The following FUT8 variants were observed in gnomAD, a reference collection of about 807,000 sequenced individuals.
The protein encoded by FUT8 is fucosyltransferase 8.
In FUT8, 29 loss-of-function variants were observed where a neutral mutation model predicts 71.3. That is an observed-to-expected ratio of 0.41 (90% CI 0.30 to 0.55). FUT8 has a LOEUF of 0.55. FUT8 is among the 20% of genes least tolerant of loss of function. FUT8 has a pLI of 0.34. For missense variants in FUT8, 544 were observed against 702.1 expected, an observed-to-expected ratio of 0.77 and a Z score of 2.55; for synonymous variants, 254 against 239.3, an observed-to-expected ratio of 1.06 and a Z score of -0.57.
At chr14:65,420,485 T>C (rs540770804) in intron 1 of FUT8, among the ~76,000 whole-genome samples, 1 of 152,132 alleles carries the variant, frequency 6.6e-6, no homozygotes, top group East Asian at 1.9e-4. Context: ...AAGGAAATAA[T>C]GATAAATAAT....
At chr14:65,477,783 T>C (rs1353023255) in intron 2 of FUT8, among the ~76,000 whole-genome samples, 1 of 152,104 alleles carries the variant, frequency 6.6e-6, no homozygotes, top group Non-Finnish European at 1.5e-5. Flanking sequence ...TAAGTTTGTC[T>C]CATTTGGTGT....
intron 1 of FUT8, among the ~76,000 whole-genome samples, chr14:65,424,770 C>G (rs1470584204): frequency 6.6e-6 from 1 of 152,062 alleles, no homozygotes; most frequent in Non-Finnish European, 1.5e-5. Context: ...AGCGATTCTC[C>G]CATTTCAGCC....
intron 7 of FUT8, among the ~76,000 whole-genome samples, chr14:65,675,642 T>A (rs1482074706): frequency 6.6e-6 from 1 of 152,154 alleles, no homozygotes; most frequent in Non-Finnish European, 1.5e-5. Context: ...TTCTAGGTTA[T>A]TTACCTTCTA....
At chr14:65,584,595 A>G (rs918016161) in intron 3 of FUT8, among the ~76,000 whole-genome samples, 2 of 152,250 alleles carry the variant, frequency 1.3e-5, no homozygotes, top group Admixed American at 1.3e-4. Context: ...TGGGATAAAG[A>G]TAGAAATATA....
intron 5 of FUT8, among the ~76,000 whole-genome samples, chr14:65,621,709 C>T (rs1157959969): frequency 1.3e-5 from 2 of 152,096 alleles, no homozygotes; most frequent in Admixed American, 6.5e-5. Context: ...TTACAGTCGC[C>T]TGCCACTACA....
chr14:65,534,986 C>T (rs1217492315), intron 2 of FUT8, among the ~76,000 whole-genome samples: 1 of 151,110 alleles, frequency 6.6e-6, no homozygotes, highest in South Asian at 2.1e-4. Flanking sequence ...TCTTGCATCT[C>T]TAGTTCTTTT....
intron 2 of FUT8, among the ~76,000 whole-genome samples, chr14:65,514,899 G>A (rs1882607715): frequency 1.3e-5 from 2 of 152,100 alleles, no homozygotes; most frequent in Admixed American, 6.6e-5. Flanking sequence ...AGAATTAAAT[G>A]AGGAAATGTG....
Position 65,521,489 on chromosome 14 carries a change from C to A in FUT8, c.-227-39848C>A, listed in dbSNP as rs150932658. On this transcript the variant is annotated intron_variant, in intron 2 of 10. Transcript: ENST00000673929. The stretch of plus-strand genomic sequence containing the variant: ...AAGGAATGTTGGAATTGGGAAGATG[C>A]CATTTTTATATAGAATGGTCAGGGA... Among the ~76,000 whole-genome samples, 151 of 152,184 alleles carry A rather than the reference C, an allele frequency of 9.9e-4. 1 individual carries two copies. The highest frequency in any genetic ancestry group is 3.5e-3 in the African/African-American group (144 of 41,516).
intron 3 of FUT8, among the ~76,000 whole-genome samples, chr14:65,611,270 CACACACACACACACACACACACA>C (rs1888960115): frequency 1.4e-5 from 1 of 69,414 alleles, no homozygotes; most frequent in African/African-American, 8.5e-5. Flanking sequence ...CACACACACA[CACACACACACACACACACACACA>C]CACACACACC....
At chr14:65,733,996 C>T (rs983928655) in intron 10 of FUT8, among the ~76,000 whole-genome samples, 2 of 152,202 alleles carry the variant, frequency 1.3e-5, no homozygotes, top group East Asian at 1.9e-4. Flanking sequence ...GCTTTGTATG[C>T]CCTGTGGAAT....
In FUT8 at chr14:65,669,454, C is replaced by A. The variant is rs1001027194; in HGVS notation, c.809C>A (p.Ser270Tyr). ...GTAAGTGAGACATGCACAGACAGATCTGGCATCTCCACTGGACACTGGTCA... is the reference window on the plus strand; with the variant it reads ...GTAAGTGAGACATGCACAGACAGATATGGCATCTCCACTGGACACTGGTCA... ...RPVSETCTDR[S>Y]GISTGHWSGE... The change falls in exon 7 of 11, where the codon TCT becomes TAT. Residue 270 changes from serine (S) to tyrosine (Y), a missense_variant. By Grantham distance (144) the Ser-to-Tyr change is moderately radical (BLOSUM62 -2). Transcript: ENST00000673929. The surrounding 1 kb of genome is among the most constrained non-coding windows in gnomAD (Gnocchi z 4.5). 2.5e-6 allele frequency: 4 copies of A among 1,613,226 alleles called. No individual in the cohort carries two copies. Among genetic ancestry groups the A allele is most frequent in the Non-Finnish European group, 3.4e-6 (4 of 1,179,392 alleles).
intron 3 of FUT8, among the ~76,000 whole-genome samples, chr14:65,564,252 G>C (rs570393519): frequency 6.6e-6 from 1 of 152,112 alleles, no homozygotes; most frequent in Admixed American, 6.6e-5. Flanking sequence ...GACTACAAAA[G>C]ATTAATTCAG....
intron 7 of FUT8, among the ~76,000 whole-genome samples, chr14:65,673,047 A>G (rs1892545333): frequency 6.6e-6 from 1 of 152,238 alleles, no homozygotes; most frequent in African/African-American, 2.4e-5. Flanking sequence ...TCTTAATATG[A>G]TAAATGTAAT....
At chr14:65,735,157 A>G (rs562632434) in intron 10 of FUT8, among the ~76,000 whole-genome samples, 1 of 152,246 alleles carries the variant, frequency 6.6e-6, no homozygotes, top group Admixed American at 6.5e-5. Flanking sequence ...TTCTTCTCCC[A>G]ATCCTCCTTA....
At chr14:65,707,274 T>G (rs1432282843) in intron 7 of FUT8, among the ~76,000 whole-genome samples, 2 of 152,214 alleles carry the variant, frequency 1.3e-5, no homozygotes, top group Admixed American at 6.5e-5. Flanking sequence ...TTTTTTTCCA[T>G]CTATCTGTTG....
At chr14:65,717,171 T>C (rs1594931917) in intron 7 of FUT8, among the ~76,000 whole-genome samples, 1 of 103,056 alleles carries the variant, frequency 9.7e-6, no homozygotes, top group African/African-American at 3.9e-5. Context: ...GAGGCGCTTC[T>C]CACCTCCCAG....
chr14:65,360,061 G>A, the FUT8 span, among the ~76,000 whole-genome samples: 1 of 152,240 alleles, frequency 6.6e-6, no homozygotes, highest in South Asian at 2.1e-4. Context: ...TTGATCTCCT[G>A]ACCTCATGAT....
intron 3 of FUT8, among the ~76,000 whole-genome samples, chr14:65,578,753 A>T (rs1346012983): frequency 6.6e-6 from 1 of 152,168 alleles, no homozygotes. Flanking sequence ...AACAAATATA[A>T]ATAGATTTCA....
intron 3 of FUT8, among the ~76,000 whole-genome samples, chr14:65,584,776 G>T (rs1181242795): frequency 6.6e-6 from 1 of 152,034 alleles, no homozygotes; most frequent in Non-Finnish European, 1.5e-5. Flanking sequence ...TTTGCCTTAG[G>T]TTCTTCTTTG....
Sources: gnomAD v4.1 joint callset for allele counts (sites outside exome capture counted in the v4.1 genomes callset) on GRCh38, gnomAD v4.1.1 for gene constraint, Gnocchi (gnomAD v3.1) non-coding constraint, MANE v1.5 for transcripts, NCBI Gene and HGNC (gene_info 2026-07-23, HGNC 2026-07-21) for gene names.